RBFOX1: variants seen among roughly 807,000 people sequenced by gnomAD.
RBFOX1 encodes the protein RNA binding fox-1 homolog 1, also known as RNA binding protein fox-1 homolog 1.
In RBFOX1, 8 loss-of-function variants were observed where a neutral mutation model predicts 57.7. That is an observed-to-expected ratio of 0.14 (90% confidence interval 0.08 to 0.25). The LOEUF (loss-of-function observed/expected upper bound fraction) is 0.25. RBFOX1 is among the 10% of genes least tolerant of loss of function. RBFOX1 has a pLI of 1.00. For synonymous variants in RBFOX1, 326 were observed against 222.4 expected (o/e 1.47, Z -4.15); for missense variants, 611 against 548.5 (o/e 1.11, Z -1.14).
intron 4 of RBFOX1, among the ~76,000 whole-genome samples, chr16:7,505,242 CAAA>C (rs34767987): frequency 2.0e-4 from 23 of 113,982 alleles, no homozygotes; most frequent in Middle Eastern, 5.4e-3. Flanking sequence ...AGTGATGGAC[CAAA>C]AAAAAAAAAA....
chr16:7,060,387 G>C (rs1323717549), intron 4 of RBFOX1, among the ~76,000 whole-genome samples: 1 of 152,068 alleles, frequency 6.6e-6, no homozygotes, highest in Non-Finnish European at 1.5e-5. Flanking sequence ...CAAAGAAAAG[G>C]CCTTAGACTC....
intron 2 of RBFOX1, among the ~76,000 whole-genome samples, chr16:6,646,321 A>G (rs914405844): frequency 6.6e-6 from 1 of 152,198 alleles, no homozygotes; most frequent in Non-Finnish European, 1.5e-5. Context: ...CGCCTCCCGC[A>G]TAGATCTGCA....
intron 3 of RBFOX1, among the ~76,000 whole-genome samples, chr16:6,867,494 G>C (rs1056074958): frequency 6.6e-6 from 1 of 152,008 alleles, no homozygotes; most frequent in Non-Finnish European, 1.5e-5. Flanking sequence ...CGAGACAGGC[G>C]GATCACTTGA....
intron 4 of RBFOX1, among the ~76,000 whole-genome samples, chr16:7,377,820 G>A (rs1284171988): frequency 6.6e-6 from 1 of 152,138 alleles, no homozygotes; most frequent in Non-Finnish European, 1.5e-5. Context: ...AAATAAGAAG[G>A]AATTGAGAGT....
At chr16:5,721,677 G>T (rs1380926252) in intron 3 of RBFOX1, among the ~76,000 whole-genome samples, 1 of 152,122 alleles carries the variant, frequency 6.6e-6, no homozygotes, top group Admixed American at 6.5e-5. Flanking sequence ...TATCATGAAA[G>T]GTTGCTAGGT....
At chr16:5,727,482 C>G (rs977306040) in intron 3 of RBFOX1, among the ~76,000 whole-genome samples, 1 of 152,102 alleles carries the variant, frequency 6.6e-6, no homozygotes, top group Admixed American at 6.5e-5. Flanking sequence ...CATAGTTAAC[C>G]TTTGTATGTG....
Position 5,630,006 on chromosome 16 carries a change from A to G in RBFOX1, c.318+31045A>G, listed in dbSNP as rs1051628832. ...ATTTGGTTGGGGATAGGATCTCTCT[A>G]TGTCCTGGGAGGTGCTCTTTGCAGG... is the stretch of plus-strand genomic sequence containing the variant. On this transcript the variant is annotated intron_variant, in intron 3 of 19. Transcript: ENST00000641259. Among the ~76,000 whole-genome samples, 18 of 152,154 alleles carry G rather than the reference A, an allele frequency of 1.2e-4. 1 individual carries two copies. Among genetic ancestry groups the G allele is most frequent in the Admixed American group, 8.5e-4 (13 of 15,284 alleles).
intron 4 of RBFOX1, among the ~76,000 whole-genome samples, chr16:7,506,141 C>T (rs761508177): frequency 7.0e-6 from 1 of 143,840 alleles, no homozygotes; most frequent in Non-Finnish European, 1.5e-5. Flanking sequence ...GCAGAGATCG[C>T]CCCACTGCAC....
chr16:5,274,462 G>T (rs1009574937), intron 1 of RBFOX1, among the ~76,000 whole-genome samples: 1 of 152,194 alleles, frequency 6.6e-6, no homozygotes, highest in Non-Finnish European at 1.5e-5. Context: ...CCAGGGGGCG[G>T]AGGTTGGAGT....
chr16:6,807,578 G>T (rs550615302), intron 3 of RBFOX1, among the ~76,000 whole-genome samples: 1 of 152,176 alleles, frequency 6.6e-6, no homozygotes, highest in South Asian at 2.1e-4. Context: ...AGCACTTTGG[G>T]AGCCTGAGGC....
At chr16:7,366,839 C>A (rs1338312674) in intron 4 of RBFOX1, among the ~76,000 whole-genome samples, 1 of 152,088 alleles carries the variant, frequency 6.6e-6, no homozygotes, top group Non-Finnish European at 1.5e-5. Flanking sequence ...GGCAGAGACA[C>A]ATGAAAGAAT....
chr16:7,536,212 G>T (rs750739352), intron 5 of RBFOX1, among the ~76,000 whole-genome samples: 3 of 152,226 alleles, frequency 2.0e-5, no homozygotes, highest in Non-Finnish European at 4.4e-5. Context: ...TGAAGGAAAG[G>T]TAGAGGGTGA....
chr16:5,327,825 C>T (rs778264147), intron 1 of RBFOX1, among the ~76,000 whole-genome samples: 1 of 152,202 alleles, frequency 6.6e-6, no homozygotes, highest in Non-Finnish European at 1.5e-5. Context: ...AAGCCACCAG[C>T]AGACTCATCC....
intron 4 of RBFOX1, among the ~76,000 whole-genome samples, chr16:5,983,389 G>C (rs1258490059): frequency 2.0e-5 from 3 of 152,194 alleles, no homozygotes; most frequent in Non-Finnish European, 4.4e-5. Context: ...ATCTAGTTTT[G>C]TCACTGAATA....
intron 3 of RBFOX1, among the ~76,000 whole-genome samples, chr16:6,944,574 A>G (rs952183906): frequency 6.6e-6 from 1 of 152,160 alleles, no homozygotes; most frequent in African/African-American, 2.4e-5. Flanking sequence ...AAATGTGTAC[A>G]TTAAGAGACT....
At chr16:7,362,573 TAGTG>T (rs1200000111) in intron 4 of RBFOX1, among the ~76,000 whole-genome samples, 4 of 152,064 alleles carry the variant, frequency 2.6e-5, no homozygotes, top group Non-Finnish European at 2.9e-5. Flanking sequence ...GTTTGCATGT[TAGTG>T]TGTGTATTAG....
At chr16:5,968,987 A>G (rs2059906457) in intron 4 of RBFOX1, among the ~76,000 whole-genome samples, 1 of 151,918 alleles carries the variant, frequency 6.6e-6, no homozygotes, top group Admixed American at 6.6e-5. Flanking sequence ...TAGTTTTCAT[A>G]TTGATTTGCC....
At chr16:7,318,227 G>C (rs2143000069) in intron 4 of RBFOX1, among the ~76,000 whole-genome samples, 1 of 152,052 alleles carries the variant, frequency 6.6e-6, no homozygotes, top group East Asian at 1.9e-4. Context: ...TGATGGCCAT[G>C]GTAATGGAGT....
chr16:5,663,977 C>T (rs894195037), intron 3 of RBFOX1, among the ~76,000 whole-genome samples: 13 of 152,076 alleles, frequency 8.5e-5, no homozygotes, highest in African/African-American at 2.4e-4. Flanking sequence ...CCGGCCATGG[C>T]GAAATTCCTC....
Sources: gnomAD v4.1 joint callset for allele counts (sites outside exome capture counted in the v4.1 genomes callset) on GRCh38, gnomAD v4.1.1 for gene constraint, MANE v1.5 for transcripts, NCBI Gene and HGNC (gene_info 2026-07-23, HGNC 2026-07-21) for gene names.